Variants in SGCZ observed in about 807,000 individuals in gnomAD.
SGCZ encodes the protein sarcoglycan zeta, also known as zeta-sarcoglycan.
A neutral mutation model predicts 41.3 loss-of-function variants in SGCZ; 40 were observed. The observed-to-expected ratio is 0.97, with a 90% CI of 0.75 to 1.26. The LOEUF (loss-of-function observed/expected upper bound fraction) is 1.26. Among genes scored for constraint, SGCZ ranks in the 50% most tolerant of loss-of-function variants. The pLI is 0.00. For synonymous variants in SGCZ, 206 were observed against 137.5 expected (o/e 1.50, Z -3.49); for missense variants, 552 against 369.8 (o/e 1.49, Z -4.04).
chr8:14,288,021 T>C (rs1413393199), intron 3 of SGCZ, among the ~76,000 whole-genome samples: 1 of 152,126 alleles, frequency 6.6e-6, no homozygotes, highest in Non-Finnish European at 1.5e-5. Context: ...AGAAGTAAAT[T>C]TGTATGCCCT....
At chr8:14,340,739 A>C (rs2117076898) in intron 2 of SGCZ, among the ~76,000 whole-genome samples, 1 of 152,260 alleles carries the variant, frequency 6.6e-6, no homozygotes, top group South Asian at 2.1e-4. Context: ...AAAGTGCAAA[A>C]CCAATTCTTT....
intron 1 of SGCZ, among the ~76,000 whole-genome samples, chr8:14,739,699 T>C (rs1013549605): frequency 1.3e-5 from 2 of 152,040 alleles, no homozygotes; most frequent in African/African-American, 4.8e-5. Context: ...TCCTTAAGGA[T>C]GATAGTGATT....
intron 2 of SGCZ, among the ~76,000 whole-genome samples, chr8:14,473,336 T>C (rs1341743551): frequency 5.3e-5 from 8 of 152,178 alleles, no homozygotes; most frequent in African/African-American, 1.9e-4. Flanking sequence ...TTCTCCTCCA[T>C]ATGCTGTTGC....
chr8:14,135,167 T>C (rs1391993642), intron 5 of SGCZ, among the ~76,000 whole-genome samples: 1 of 152,208 alleles, frequency 6.6e-6, no homozygotes, highest in Non-Finnish European at 1.5e-5. Flanking sequence ...TAGAATATAA[T>C]AGAGTACTAG....
At chr8:14,487,095 G>A (rs1386996165) in intron 2 of SGCZ, among the ~76,000 whole-genome samples, 2 of 152,134 alleles carry the variant, frequency 1.3e-5, no homozygotes, top group African/African-American at 2.4e-5. Flanking sequence ...TTCCTCCAGG[G>A]AATGTGGTTC....
At chr8:14,813,310 C>A (rs1388880337) in intron 1 of SGCZ, among the ~76,000 whole-genome samples, 1 of 152,044 alleles carries the variant, frequency 6.6e-6, no homozygotes, top group Non-Finnish European at 1.5e-5. Flanking sequence ...AATATAATCT[C>A]TATTTTAAGA....
intron 1 of SGCZ, among the ~76,000 whole-genome samples, chr8:15,191,067 A>G (rs1800520934): frequency 6.6e-6 from 1 of 152,094 alleles, no homozygotes; most frequent in Non-Finnish European, 1.5e-5. Flanking sequence ...AAACTCCCCA[A>G]TATACTTTAA....
intron 2 of SGCZ, among the ~76,000 whole-genome samples, chr8:14,514,617 A>T (rs1212923885): frequency 6.0e-5 from 9 of 150,020 alleles, no homozygotes. Context: ...TCTCACATAT[A>T]TTTATATTTC....
intron 1 of SGCZ, among the ~76,000 whole-genome samples, chr8:14,865,375 T>C (rs1803893291): frequency 6.6e-6 from 1 of 152,060 alleles, no homozygotes; most frequent in African/African-American, 2.4e-5. Context: ...TACCTCACCT[T>C]CCTATGATGT....
chr8:14,112,287 G>GT (rs909570235), intron 5 of SGCZ, among the ~76,000 whole-genome samples: 10 of 140,294 alleles, frequency 7.1e-5, no homozygotes, highest in African/African-American at 2.1e-4. Flanking sequence ...TTTTTGTGGG[G>GT]GGGGGGTGCA....
chr8:15,109,490 G>C (rs749800136), intron 1 of SGCZ, among the ~76,000 whole-genome samples: 30 of 152,052 alleles, frequency 2.0e-4, no homozygotes, highest in Admixed American at 3.9e-4. Flanking sequence ...AGAATGTTGA[G>C]AGTATAGTTA....
intron 1 of SGCZ, among the ~76,000 whole-genome samples, chr8:14,715,354 G>C (rs1809653968): frequency 6.6e-6 from 1 of 151,972 alleles, no homozygotes; most frequent in Admixed American, 6.6e-5. Flanking sequence ...CTGATGAAAG[G>C]GTAAAACCTA....
chr8:14,222,279 T>TC (rs1243453829), intron 4 of SGCZ, among the ~76,000 whole-genome samples: 5 of 151,886 alleles, frequency 3.3e-5, no homozygotes, highest in African/African-American at 1.2e-4. Context: ...CAAGCAATTA[T>TC]CTGCCTCAGC....
At chr8:15,064,968 T>C (rs13281953) in intron 1 of SGCZ, among the ~76,000 whole-genome samples, 105,989 of 151,906 alleles carry the variant, frequency 0.7, 38,254 homozygotes, top group East Asian at 0.92. Context: ...TTTTCCTGTG[T>C]CATTTCCAGA....
chr8:14,559,296 ACTAAT>A (rs1274928268), intron 1 of SGCZ, among the ~76,000 whole-genome samples: 2 of 152,076 alleles, frequency 1.3e-5, no homozygotes, highest in African/African-American at 4.8e-5. Context: ...AGGATACAAA[ACTAAT>A]GTACACAAAT....
intron 2 of SGCZ, among the ~76,000 whole-genome samples, chr8:14,491,152 A>G: frequency 6.6e-6 from 1 of 152,148 alleles, no homozygotes; most frequent in East Asian, 1.9e-4. Flanking sequence ...TATGTTTGGT[A>G]CATGTCTTAT....
At chr8:14,277,429 T>C (rs1228447876) in intron 3 of SGCZ, among the ~76,000 whole-genome samples, 1 of 139,346 alleles carries the variant, frequency 7.2e-6, no homozygotes, top group Non-Finnish European at 1.6e-5. Flanking sequence ...CACTTCCTCA[T>C]TTCTGCTATT....
At chr8:14,345,912 C>T (rs1802876945) in intron 2 of SGCZ, among the ~76,000 whole-genome samples, 1 of 151,822 alleles carries the variant, frequency 6.6e-6, no homozygotes, top group African/African-American at 2.4e-5. Flanking sequence ...CAGTGGTTGC[C>T]AAGAATTCAG....
intron 1 of SGCZ, among the ~76,000 whole-genome samples, chr8:14,959,848 A>G (rs1365821057): frequency 6.6e-6 from 1 of 152,178 alleles, no homozygotes; most frequent in East Asian, 1.9e-4. Flanking sequence ...AAAAAGGACA[A>G]TGGGAGGACA....
Sources: gnomAD v4.1 joint callset for allele counts (sites outside exome capture counted in the v4.1 genomes callset) on GRCh38, gnomAD v4.1.1 for gene constraint, MANE v1.5 for transcripts, NCBI Gene and HGNC (gene_info 2026-07-23, HGNC 2026-07-21) for gene names.